Variants in ACIN1 observed in about 807,000 individuals in gnomAD.
The protein encoded by ACIN1 is apoptotic chromatin condensation inducer in the nucleus.
ACIN1 carries 16 observed loss-of-function variants against 146.6 expected under a neutral mutation model. The ratio of observed to expected loss-of-function variants is 0.11; its 90% CI spans 0.07 to 0.17. ACIN1 has a LOEUF of 0.17. ACIN1 is among the 10% of genes least tolerant of loss of function. The pLI, the probability that ACIN1 is intolerant of heterozygous loss-of-function variation, is 1.00. For missense variants in ACIN1, 1,357 were observed against 1,609.3 expected (o/e 0.84, Z 2.68); for synonymous variants, 569 against 582.7 (o/e 0.98, Z 0.34).
chr14:23,086,866 A>G (rs564226537), intron 4 of ACIN1, among the ~76,000 whole-genome samples: 1 of 152,314 alleles, frequency 6.6e-6, no homozygotes, highest in African/African-American at 2.4e-5. Context: ...ATAAATTATA[A>G]CACTGAAAAA....
chr14:23,074,892 C>T (rs2047758862), intron 8 of ACIN1, among the ~76,000 whole-genome samples: 1 of 152,080 alleles, frequency 6.6e-6, no homozygotes, highest in South Asian at 2.1e-4. Context: ...ATAGAAAATT[C>T]ACGAGGAGCT....
chr14:23,080,709 A>G lies in ACIN1; in HGVS notation c.626T>C (p.Leu209Ser). The G allele has an allele frequency of 1.2e-6, 2 of 1,613,556 alleles. No homozygotes were observed. The highest frequency in any genetic ancestry group is 1.7e-6 in the Non-Finnish European group (2 of 1,179,944). Residue 209 changes from leucine (L) to serine (S), a missense_variant, in exon 6 of 19, where the codon TTG (leucine) becomes TCG (serine). Physicochemically the swap from Leu to Ser is moderately radical, Grantham distance 145 (BLOSUM62 -2). Transcript: ENST00000605057. ...CTCCTCTTCTTCCTCCTCTGTTTTC[A>G]AATTTCGATCTGCTCTGACCCTTAG... ...RNLRVRADRNLKTEEEEEEEE... is the reference protein window; with the variant it reads ...RNLRVRADRNSKTEEEEEEEE...
intron 1 of ACIN1, chr14:23,094,424 T>G (rs1244871361): frequency 2.1e-6 from 2 of 974,270 alleles, no homozygotes; most frequent in Non-Finnish European, 2.4e-6. Flanking sequence ...AAATTGCCAC[T>G]AGATGCCACT....
intron 12 of ACIN1, 116 bp from the exon 13 acceptor site, chr14:23,063,693 G>T: frequency 8.1e-7 from 1 of 1,228,742 alleles, no homozygotes; most frequent in Non-Finnish European, 1.1e-6. Context: ...CTTCCGCTAG[G>T]GGTATTTCGT....
chr14:23,069,622 C>CAG lies in ACIN1; in HGVS notation c.2124-7_2124-6dup. 6.7e-7 allele frequency: 1 copy of CAG among 1,502,476 alleles called. No individual in the cohort carries two copies. The highest frequency in any genetic ancestry group is 1.2e-5 in the South Asian group (1 of 82,266). The allele number at this position is 1,502,476 out of a possible 1,614,324, so 93.1% of individuals were successfully genotyped here. On this transcript the variant is annotated splice_polypyrimidine_tract_variant and splice_region_variant and intron_variant, in intron 8 of 18. Coordinates refer to ENST00000605057, the MANE Select transcript of ACIN1 (RefSeq NM_001386863.1). ...GTCACTTCCTCCTTCTCCTCACTGA[C>CAG]AGGAGGGGGGAGTGGTGGTGGGGGG...
At position 23,080,202 on chromosome 14, in the gene ACIN1, T is replaced by C; in HGVS notation, c.1133A>G (p.Glu378Gly). Reference sequence around the variant, plus strand: ...TGGGCCTTCCATGGGCTCTATTTCTTCTTCGCTATGGAGCTGTGGATGAGG... The same window carrying C: ...TGGGCCTTCCATGGGCTCTATTTCTCCTTCGCTATGGAGCTGTGGATGAGG... ...PPPHPQLHSE[E>G]EIEPMEGPAP... is the part of the protein sequence containing the mutation. The change falls in exon 6 of 19, where the codon GAA (glutamate) becomes GGA (glycine). Residue 378 changes from glutamate (E) to glycine (G), a missense_variant. By Grantham distance (98) the Glu-to-Gly change is moderately conservative. Coordinates refer to ENST00000605057, the MANE Select transcript of ACIN1 (RefSeq NM_001386863.1). 3.7e-6 allele frequency: 6 copies of C among 1,614,220 alleles called. No individual in the cohort carries two copies. The highest frequency in any genetic ancestry group is 5.1e-6 in the Non-Finnish European group (6 of 1,180,026).
Position 23,059,118 on chromosome 14 carries a change from C to T in ACIN1, c.*30G>A. 1 of 1,606,046 alleles carries T rather than the reference C, an allele frequency of 6.2e-7. No homozygotes were observed. Among genetic ancestry groups the T allele is most frequent in the Non-Finnish European group, 8.5e-7 (1 of 1,175,368 alleles). ...GCCATAACCCCCTGGGGCCGAGTGG[C>T]TGGTACCTGCAGCTCTAGTGTTTTC... On this transcript the variant is annotated 3_prime_UTR_variant, in exon 19 of 19. Transcript: ENST00000605057.
chr14:23,059,373 G>C lies in ACIN1; in HGVS notation c.3627C>G (p.Ala1209=). 10 of 1,613,334 alleles carry C rather than the reference G, an allele frequency of 6.2e-6. No homozygotes were observed. Among genetic ancestry groups the C allele is most frequent in the Non-Finnish European group, 7.6e-6 (9 of 1,179,574 alleles). ...EEEQKEREKE[A]ERERNRQLER... Reference sequence around the variant, plus strand: ...CCAGCTGTCGGTTCCGTTCCCGCTCGGCTTCCTTCTCCCGCTCCTTTTGCT... The same window carrying C: ...CCAGCTGTCGGTTCCGTTCCCGCTCCGCTTCCTTCTCCCGCTCCTTTTGCT... Residue 1209 remains alanine, a synonymous_variant, in exon 19 of 19, where the codon GCC becomes GCG. Transcript: ENST00000605057.
chr14:23,082,101 T>C (rs2047957931), intron 4 of ACIN1, among the ~76,000 whole-genome samples: 1 of 152,320 alleles, frequency 6.6e-6, no homozygotes, highest in Admixed American at 6.5e-5. Flanking sequence ...ATAACTCAAA[T>C]AAATGTAAAA....
rs1047604662 is a variant in ACIN1, at chr14:23,068,748, C to T, written c.2265+728G>A. On this transcript the variant is annotated intron_variant, in intron 9 of 18. Coordinates refer to ENST00000605057, the MANE Select transcript of ACIN1 (RefSeq NM_001386863.1). The surrounding 1 kb of genome is among the most constrained non-coding windows in gnomAD (Gnocchi z 4.3). ...CACATCAAATCACTTTCACCGGCCC[C>T]CACCCCCGCAACACACACCAGAAAA... 3.0e-6 allele frequency: 3 copies of T among 985,534 alleles called. No homozygotes were observed. Among genetic ancestry groups the T allele is most frequent in the Non-Finnish European group, 3.6e-6 (3 of 829,996 alleles). 61.0% of individuals were successfully genotyped at this position (985,534 alleles called of 1,614,324 possible). A position where few individuals can be genotyped will look rare whatever the true frequency, so the allele number is the denominator to read the frequency against.
At chr14:23,094,873 G>A (rs1434836614) in intron 1 of ACIN1, 102 bp downstream of exon 1, 27 of 1,455,478 alleles carry the variant, frequency 1.9e-5, no homozygotes, top group Non-Finnish European at 2.4e-5. Context: ...GGCGGCCTGA[G>A]CGAGCTCGCG....
chr14:23,066,147 C>G (rs540086841), intron 9 of ACIN1, 139 bp from the exon 10 acceptor site: 5 of 621,910 alleles, frequency 8.0e-6, no homozygotes, highest in Non-Finnish European at 2.8e-6. Context: ...GAGAGAGACA[C>G]AGAGACAGAC....
chr14:23,059,135 A>G lies in ACIN1; in HGVS notation c.*13T>C. ...CCGAGTGGCTGGTACCTGCAGCTCTAGTGTTTTCCCAGCTAGCGGCGCCCA... is the reference window on the plus strand; with the variant it reads ...CCGAGTGGCTGGTACCTGCAGCTCTGGTGTTTTCCCAGCTAGCGGCGCCCA... On this transcript the variant is annotated 3_prime_UTR_variant, in exon 19 of 19. Transcript: ENST00000605057. The G allele has an allele frequency of 6.2e-7, 1 of 1,611,556 alleles. No homozygotes were observed. Among genetic ancestry groups the G allele is most frequent in the Non-Finnish European group, 8.5e-7 (1 of 1,178,756 alleles).
chr14:23,061,645 G>A (rs1273738825), intron 16 of ACIN1, 23 bp from the exon 17 acceptor site: 1 of 1,506,598 alleles, frequency 6.6e-7, no homozygotes, highest in East Asian at 2.5e-5. Context: ...GAGGGACAAG[G>A]ACAGTTAGGA....
intron 8 of ACIN1, among the ~76,000 whole-genome samples, chr14:23,070,492 C>G (rs1369204183): frequency 1.3e-5 from 2 of 152,052 alleles, no homozygotes; most frequent in Non-Finnish European, 2.9e-5. Context: ...CCCCCAAGAA[C>G]ACCAAACCCA....
chr14:23,067,453 C>T lies in ACIN1; in HGVS notation c.2266-1445G>A, dbSNP rs1018482543. ...GTTGGCAAAAAAGGTGGGCGCACGG[C>T]GTGGTAGTCAGCACGGCACTGCCAG... On this transcript the variant is annotated intron_variant, in intron 9 of 18. Transcript: ENST00000605057. The surrounding 1 kb of genome is among the most constrained non-coding windows in gnomAD (Gnocchi z 4.6). The T allele has an allele frequency of 4.1e-6, 4 of 965,416 alleles. No individual in the cohort carries two copies. The highest frequency in any genetic ancestry group is 5.0e-5 in the South Asian group (1 of 20,038). 59.8% of individuals were successfully genotyped at this position (965,416 alleles called of 1,614,324 possible). A position where few individuals can be genotyped will look rare whatever the true frequency, so the allele number is the denominator to read the frequency against.
At chr14:23,069,300 A>G in intron 9 of ACIN1, 176 bp downstream of exon 9, 1 of 1,310,974 alleles carries the variant, frequency 7.6e-7, no homozygotes, top group South Asian at 2.3e-5. Flanking sequence ...TCCCCGTCAC[A>G]AGGGGTCTCC....
In ACIN1 at chr14:23,061,372, C is replaced by T. The variant is rs764973278; in HGVS notation, c.3350G>A (p.Arg1117His). 1.3e-5 allele frequency: 21 copies of T among 1,614,130 alleles called. No homozygotes were observed. The highest frequency in any genetic ancestry group is 3.3e-5 in the Admixed American group (2 of 60,030). The change falls in exon 17 of 19, where the codon CGT becomes CAT. Residue 1117 changes from arginine to histidine, a missense_variant. Arg to His is a conservative substitution (Grantham distance 29, BLOSUM62 0). This residue lies in a region of ACIN1 where 509 missense variants were observed against 719.6 expected (regional missense o/e 0.71). Transcript: ENST00000605057. ...GCGGTCACGGGACCTTGATCGGGAA[C>T]GGGGCCCTTCTCGAACTTTGTCCCG... Reference protein sequence around the residue: ...WDRDKVREGPRSRSRSRDRRR... With the variant: ...WDRDKVREGPHSRSRSRDRRR...
Position 23,078,998 on chromosome 14 carries a change from T to C in ACIN1, c.1829A>G (p.Tyr610Cys), listed in dbSNP as rs780149162. 2.5e-6 allele frequency: 4 copies of C among 1,614,230 alleles called. No homozygotes were observed. Among genetic ancestry groups the C allele is most frequent in the Non-Finnish European group, 1.7e-6 (2 of 1,180,034 alleles). Residue 610 changes from tyrosine (Y) to cysteine (C), a missense_variant, in exon 7 of 19, where the codon TAT (tyrosine) becomes TGT (cysteine). Coordinates refer to ENST00000605057, the MANE Select transcript of ACIN1 (RefSeq NM_001386863.1). The part of the protein sequence containing the change: ...PGVSRDSSTS[Y>C]TETKDPSSGQ... ...AGAAGAGGGATCTTTGGTTTCAGTA[T>C]AGCTGGTGCTGCTGTCCCTGGAGAC...
Sources: allele counts gnomAD v4.1 joint callset (sites outside exome capture counted in the v4.1 genomes callset), GRCh38; gene constraint gnomAD v4.1.1; regional missense constraint gnomAD v4.1.1; non-coding constraint Gnocchi (gnomAD v3.1); transcripts MANE v1.5; gene names NCBI Gene and HGNC (gene_info 2026-07-23, HGNC 2026-07-21).